The following TIAM2 variants were observed in gnomAD, a reference collection of about 807,000 sequenced individuals.
TIAM2 encodes TIAM Rac1 associated GEF 2.
A neutral mutation model predicts 152.9 loss-of-function variants in TIAM2; 80 were observed. The ratio of observed to expected loss-of-function variants is 0.52; its 90% CI spans 0.44 to 0.63. The LOEUF (loss-of-function observed/expected upper bound fraction) is 0.63, where lower values mean the gene tolerates loss of function less well. TIAM2 is among the 30% of genes least tolerant of loss of function. The probability of loss-of-function intolerance (pLI) is 0.00; values close to 1 mark genes in which losing one functional copy is unlikely to be tolerated. For missense variants in TIAM2, 1,965 were observed against 2,120.1 expected, an observed-to-expected ratio of 0.93 and a Z score of 1.44; for synonymous variants, 804 against 838.0, an observed-to-expected ratio of 0.96 and a Z score of 0.70.
Position 155,238,336 on chromosome 6 carries a change from G to C in TIAM2, c.3169-2194G>C, listed in dbSNP as rs181389098. 1.7e-3 allele frequency among the ~76,000 whole-genome samples: 260 copies of C among 152,278 alleles called. 1 individual carries two copies. Among genetic ancestry groups the C allele is most frequent in the Non-Finnish European group, 3.1e-3 (214 of 68,030 alleles). ...GTCAAACCCATTCAACAAGTCTCTA[G>C]GAAGTTCCAAACTTTTCCACACTTT... On this transcript the variant is annotated intron_variant, in intron 15 of 26. Coordinates refer to ENST00000682666, the MANE Select transcript of TIAM2 (RefSeq NM_012454.4).
At chr6:155,128,102 A>G (rs1451122761) in intron 3 of TIAM2, among the ~76,000 whole-genome samples, 1 of 151,798 alleles carries the variant, frequency 6.6e-6, no homozygotes, top group East Asian at 1.9e-4. Flanking sequence ...TAACTAATAG[A>G]CTCCTTGAGC....
At chr6:155,205,705 T>C (rs567478384) in intron 14 of TIAM2, among the ~76,000 whole-genome samples, 29 of 152,290 alleles carry the variant, frequency 1.9e-4, no homozygotes, top group African/African-American at 6.5e-4. Context: ...GCAGGTGGGA[T>C]GCTGGCAGGG....
At chr6:155,104,058 C>CCCCCCCCCCCCACA (rs1778620589) in intron 2 of TIAM2, among the ~76,000 whole-genome samples, 1 of 60,318 alleles carries the variant, frequency 1.7e-5, no homozygotes. Flanking sequence ...CCCCACACCC[C>CCCCCCCCCCCCACA]CACACACCCC....
intron 19 of TIAM2, among the ~76,000 whole-genome samples, chr6:155,246,365 G>A (rs1391403118): frequency 6.6e-6 from 1 of 151,902 alleles, no homozygotes; most frequent in Admixed American, 6.6e-5. Context: ...TAAAAAGTGG[G>A]GTCTTAGAGT....
intron 2 of TIAM2, among the ~76,000 whole-genome samples, chr6:155,104,048 C>CCCG (rs1778616706): frequency 1.1e-5 from 1 of 88,956 alleles, no homozygotes; most frequent in Non-Finnish European, 2.4e-5. Flanking sequence ...ACACCCCCCC[C>CCCG]CCCACACCCC....
At chr6:155,036,704 G>A (rs974024198) in intron 1 of TIAM2, among the ~76,000 whole-genome samples, 7 of 151,088 alleles carry the variant, frequency 4.6e-5, no homozygotes, top group Admixed American at 2.0e-4. Flanking sequence ...TGCAACCTCC[G>A]CCTCCCAGGT....
At chr6:155,172,622 C>CT (rs1780611645) in intron 9 of TIAM2, among the ~76,000 whole-genome samples, 1 of 116,294 alleles carries the variant, frequency 8.6e-6, no homozygotes, top group African/African-American at 3.1e-5. Context: ...ACCAGGAAAC[C>CT]TTGAAGAGGC....
intron 14 of TIAM2, among the ~76,000 whole-genome samples, chr6:155,189,919 G>A (rs1364969181): frequency 6.6e-6 from 1 of 152,140 alleles, no homozygotes; most frequent in Non-Finnish European, 1.5e-5. Flanking sequence ...CTGGAGGTGT[G>A]TGGTGGGGGG....
chr6:155,257,214 G>A lies in TIAM2; in HGVS notation c.*93G>A, dbSNP rs534597995. On this transcript the variant is annotated 3_prime_UTR_variant, in exon 27 of 27. Coordinates refer to ENST00000682666, the MANE Select transcript of TIAM2 (RefSeq NM_012454.4). ...GCAAAAAAAAAAAAAAAAAAAAACT[G>A]TTCATTCCTGGGTTTTGTGCAGTAT... 8.6e-3 allele frequency: 8,745 copies of A among 1,020,242 alleles called. 85 individuals are homozygous for A. The highest frequency in any genetic ancestry group is 0.01 in the South Asian group (662 of 65,206). The allele number at this position is 1,020,242 out of a possible 1,614,324, so 63.2% of individuals were successfully genotyped here.
At chr6:155,115,918 C>G (rs930414263) in intron 2 of TIAM2, among the ~76,000 whole-genome samples, 1 of 152,188 alleles carries the variant, frequency 6.6e-6, no homozygotes, top group Non-Finnish European at 1.5e-5. Flanking sequence ...TTGAGACCAG[C>G]CTGGCCAACA....
intron 1 of TIAM2, among the ~76,000 whole-genome samples, chr6:155,052,189 T>C (rs1189648101): frequency 6.6e-6 from 1 of 152,184 alleles, no homozygotes; most frequent in Admixed American, 6.5e-5. Context: ...ATGTATTAAC[T>C]ATTTAGTGCT....
rs1562345193 is a variant in TIAM2 at position 155,182,272 on chromosome 6, GA to G, written c.2755del (p.Ile919TyrfsTer3). ...QVDERQHLSR[I>X]FISDVLPDGL... ...TGGATGAGCGTCAGCATCTCAGCCG[GA>G]TATTTATAAGCGACGTTCTTCCCGA... is the stretch of plus-strand genomic sequence containing the variant. On this transcript the variant is annotated frameshift_variant, in exon 13 of 27. Coordinates refer to ENST00000682666, the MANE Select transcript of TIAM2 (RefSeq NM_012454.4). LOFTEE classifies it high-confidence loss of function. The G allele has an allele frequency of 6.2e-7, 1 of 1,614,152 alleles. No homozygotes were observed. The highest frequency in any genetic ancestry group is 1.3e-5 in the African/African-American group (1 of 75,054).
chr6:155,146,866 G>A (rs1454240802), intron 6 of TIAM2, among the ~76,000 whole-genome samples: 1 of 149,802 alleles, frequency 6.7e-6, no homozygotes, highest in Non-Finnish European at 1.5e-5. Flanking sequence ...TGACCTGCTC[G>A]CCTTGGCCTT....
intron 2 of TIAM2, among the ~76,000 whole-genome samples, chr6:155,107,076 T>G (rs1203666914): frequency 6.6e-6 from 1 of 152,150 alleles, no homozygotes; most frequent in Non-Finnish European, 1.5e-5. Context: ...AGTTTGTGGA[T>G]GTGTATATAG....
intron 1 of TIAM2, among the ~76,000 whole-genome samples, chr6:155,086,126 G>C (rs1334146302): frequency 6.6e-6 from 1 of 152,186 alleles, no homozygotes; most frequent in South Asian, 2.1e-4. Context: ...CATTGTTCAC[G>C]TGGCACTGGA....
At chr6:155,182,189 G>C (rs372681516) in intron 12 of TIAM2, 37 bp from the exon 13 acceptor site, 1 of 1,568,784 alleles carries the variant, frequency 6.4e-7, no homozygotes, top group African/African-American at 1.3e-5. Context: ...AGTGTGGTGG[G>C]CTGAGACTTG....
At chr6:155,039,275 G>GAA (rs1044226640) in intron 1 of TIAM2, among the ~76,000 whole-genome samples, 1 of 150,312 alleles carries the variant, frequency 6.7e-6, no homozygotes, top group African/African-American at 2.4e-5. Context: ...CTCTTAAAAA[G>GAA]AAAAAAAAAT....
intron 5 of TIAM2, among the ~76,000 whole-genome samples, chr6:155,144,161 G>T (rs1779773814): frequency 6.6e-6 from 1 of 152,144 alleles, no homozygotes; most frequent in Non-Finnish European, 1.5e-5. Context: ...GAAAAGCACA[G>T]ACCACAGACT....
Position 155,130,077 on chromosome 6 carries a change from A to T in TIAM2, c.854A>T (p.Asp285Val). 1 of 1,614,018 alleles carries T rather than the reference A, an allele frequency of 6.2e-7. No homozygotes were observed. The highest frequency in any genetic ancestry group is 8.5e-7 in the Non-Finnish European group (1 of 1,180,020). Residue 285 changes from aspartate to valine, a missense_variant, in exon 4 of 27, where the codon GAT becomes GTT. Asp to Val is a radical substitution (Grantham distance 152, BLOSUM62 -3). Transcript: ENST00000682666. ...CTCCATGCCAGCTTCCCACCTGGCG[A>T]TGCCAAAAAGCCTTTCAACCAAAGC... ...PSLHASFPPGDAKKPFNQSSS... is the reference protein window; with the variant it reads ...PSLHASFPPGVAKKPFNQSSS...
Sources: gnomAD v4.1 joint callset for allele counts (sites outside exome capture counted in the v4.1 genomes callset) on GRCh38, gnomAD v4.1.1 for gene constraint, MANE v1.5 for transcripts, NCBI Gene and HGNC (gene_info 2026-07-23, HGNC 2026-07-21) for gene names.